The following AGBL4 variants were observed in gnomAD, a reference collection of about 807,000 sequenced individuals.
AGBL4 encodes the protein cytosolic carboxypeptidase 6.
Under a neutral mutation model 66.4 loss-of-function variants are expected in AGBL4, and 58 were observed. The ratio of observed to expected loss-of-function variants is 0.87; its 90% CI spans 0.71 to 1.09. The LOEUF is 1.09. Ranked by LOEUF, AGBL4 falls within the 50% of genes least tolerant of loss-of-function variation. AGBL4 has a pLI of 0.00. For missense variants in AGBL4, 579 were observed against 631.0 expected (o/e 0.92, Z 0.88); for synonymous variants, 234 against 222.9 (o/e 1.05, Z -0.44).
intron 1 of AGBL4, among the ~76,000 whole-genome samples, chr1:49,868,230 C>T (rs1646753171): frequency 6.6e-6 from 1 of 151,756 alleles, no homozygotes; most frequent in Non-Finnish European, 1.5e-5. Context: ...GTGCTATTCC[C>T]ATTAAAACTA....
chr1:49,802,558 A>C (rs1644887288), intron 2 of AGBL4, among the ~76,000 whole-genome samples: 1 of 152,208 alleles, frequency 6.6e-6, no homozygotes, highest in African/African-American at 2.4e-5. Flanking sequence ...ATCTCTGTAT[A>C]CTGTACTTCT....
intron 3 of AGBL4, among the ~76,000 whole-genome samples, chr1:49,582,918 T>G (rs1644572998): frequency 6.6e-6 from 1 of 152,184 alleles, no homozygotes; most frequent in Admixed American, 6.5e-5. Context: ...ACCCACTGTT[T>G]TCAGCAAAAG....
At chr1:49,845,374 A>G in intron 2 of AGBL4, 8 of 1,391,626 alleles carry the variant, frequency 5.7e-6, no homozygotes, top group East Asian at 4.6e-5. Context: ...GTCCTCCTTT[A>G]GCCAACACAA....
intron 2 of AGBL4, among the ~76,000 whole-genome samples, chr1:49,820,367 C>T (rs1198730416): frequency 1.3e-5 from 2 of 152,128 alleles, no homozygotes; most frequent in Non-Finnish European, 2.9e-5. Context: ...CACTTAACTG[C>T]CAATTTCATT....
intron 5 of AGBL4, among the ~76,000 whole-genome samples, chr1:48,997,107 G>C (rs1661076776): frequency 6.6e-6 from 1 of 152,064 alleles, no homozygotes; most frequent in African/African-American, 2.4e-5. Context: ...AATTTTAGTA[G>C]AGATGGGGTT....
At chr1:49,218,122 T>G (rs1404200011) in intron 4 of AGBL4, among the ~76,000 whole-genome samples, 1 of 152,132 alleles carries the variant, frequency 6.6e-6, no homozygotes, top group Non-Finnish European at 1.5e-5. Flanking sequence ...TTCACCTATC[T>G]GATAACAGAT....
chr1:49,401,878 GT>G (rs1645093274), intron 3 of AGBL4, among the ~76,000 whole-genome samples: 1 of 152,014 alleles, frequency 6.6e-6, no homozygotes, highest in South Asian at 2.1e-4. Flanking sequence ...ATCTATACAG[GT>G]TTTGGATTTC....
intron 6 of AGBL4, among the ~76,000 whole-genome samples, chr1:48,715,521 A>G (rs1647035750): frequency 6.6e-6 from 1 of 152,126 alleles, no homozygotes; most frequent in African/African-American, 2.4e-5. Context: ...GCTCTACCCC[A>G]TTATCCTGGT....
rs1649770414 is a variant in AGBL4 at position 48,881,405 on chromosome 1, G to A, written c.595-14175C>T. On this transcript the variant is annotated intron_variant, in intron 5 of 13. Transcript: ENST00000371839. ...CATAGTGAAAACTGACTTTTCACGT[G>A]TATCTGTCGGGCATTAAGATTTTGG... is the stretch of plus-strand genomic sequence containing the variant. Among the ~76,000 whole-genome samples the A allele has an allele frequency of 5.3e-5, 8 of 152,264 alleles. No homozygotes were observed. The South Asian group carries it at 1.7e-3, about 32-fold the overall frequency.
intron 5 of AGBL4, among the ~76,000 whole-genome samples, chr1:49,012,564 C>T (rs1662523734): frequency 6.6e-6 from 1 of 152,126 alleles, no homozygotes; most frequent in Non-Finnish European, 1.5e-5. Context: ...AGAAAATAGG[C>T]CTATTCCCAG....
At chr1:48,717,432 A>G (rs1557900303) in intron 6 of AGBL4, among the ~76,000 whole-genome samples, 1 of 152,196 alleles carries the variant, frequency 6.6e-6, no homozygotes, top group Non-Finnish European at 1.5e-5. Context: ...TATGATTTTC[A>G]GATTTATTTA....
At chr1:49,622,594 A>G (rs1487376097) in intron 3 of AGBL4, among the ~76,000 whole-genome samples, 2 of 125,368 alleles carry the variant, frequency 1.6e-5, no homozygotes, top group Non-Finnish European at 3.2e-5. Flanking sequence ...CCGCCACTGC[A>G]CTCCAGCCTG....
chr1:49,656,997 T>A (rs1241611655), intron 3 of AGBL4, among the ~76,000 whole-genome samples: 1 of 152,188 alleles, frequency 6.6e-6, no homozygotes, highest in African/African-American at 2.4e-5. Context: ...GTGTTGGAAG[T>A]TCTGGCCAGA....
chr1:49,540,140 A>C (rs942357532), intron 3 of AGBL4, among the ~76,000 whole-genome samples: 14 of 152,234 alleles, frequency 9.2e-5, no homozygotes, highest in African/African-American at 3.4e-4. Context: ...ATAATGCCTA[A>C]GCAACTTGTA....
chr1:48,879,680 ACTTAT>A lies in AGBL4; in HGVS notation c.595-12455_595-12451del, dbSNP rs139683770. 2.0e-5 allele frequency among the ~76,000 whole-genome samples: 3 copies of A among 152,294 alleles called. No individual in the cohort carries two copies. The East Asian group carries it at 5.8e-4, about 29-fold the overall frequency. On this transcript the variant is annotated intron_variant, in intron 5 of 13. Coordinates refer to ENST00000371839, the MANE Select transcript of AGBL4 (RefSeq NM_032785.4). ...TGCAAATAATGCTTTATTTATGTTA[ACTTAT>A]CTTATCCTCACAACATATCTGTACC...
At chr1:48,693,240 C>T (rs950626479) in intron 6 of AGBL4, among the ~76,000 whole-genome samples, 7 of 150,150 alleles carry the variant, frequency 4.7e-5, no homozygotes, top group Non-Finnish European at 1.0e-4. Context: ...GCCCAGTGAG[C>T]ATTGGCTGGG....
intron 1 of AGBL4, among the ~76,000 whole-genome samples, chr1:50,018,187 T>C (rs1662136328): frequency 6.6e-6 from 1 of 152,170 alleles, no homozygotes; most frequent in African/African-American, 2.4e-5. Flanking sequence ...TTTGTTTTCC[T>C]TCAGATGACA....
chr1:48,647,681 G>A (rs1238758397), intron 8 of AGBL4: 2 of 424,928 alleles, frequency 4.7e-6, no homozygotes, highest in Admixed American at 5.5e-5. Flanking sequence ...TTCAAATGCA[G>A]GCAACTTCTG....
intron 3 of AGBL4, among the ~76,000 whole-genome samples, chr1:49,314,767 A>G (rs1645008493): frequency 6.6e-6 from 1 of 152,040 alleles, no homozygotes; most frequent in African/African-American, 2.4e-5. Flanking sequence ...TGCTGGGTCA[A>G]ATGGTATTTC....
Sources: allele counts gnomAD v4.1 joint callset (sites outside exome capture counted in the v4.1 genomes callset), GRCh38; gene constraint gnomAD v4.1.1; transcripts MANE v1.5; gene names NCBI Gene and HGNC (gene_info 2026-07-23, HGNC 2026-07-21).